OR8G1: variants seen among roughly 807,000 people sequenced by gnomAD.
OR8G1 encodes olfactory receptor 8G1.
For missense variants in OR8G1, 372 were observed against 356.2 expected (o/e 1.04, Z -0.36); for synonymous variants, 129 against 133.3 (o/e 0.97, Z 0.22).
In OR8G1 at chr11:124,249,750, G is replaced by T. The variant is rs777912617; in HGVS notation, c.75G>T (p.Leu25=). 1.2e-6 allele frequency: 2 copies of T among 1,613,744 alleles called. No homozygotes were observed. Among genetic ancestry groups the T allele is most frequent in the South Asian group, 1.1e-5 (1 of 91,068 alleles). ...AGLSEQPELQ[L]PLFLLFLGIY... The stretch of plus-strand genomic sequence containing the variant: ...TCTCAGAACAGCCAGAGCTCCAGCT[G>T]CCCCTCTTCCTCCTGTTCTTAGGAA... The change falls in exon 3 of 3, where the codon CTG becomes CTT. Residue 25 remains leucine (L), a synonymous_variant. Coordinates refer to ENST00000641972, the MANE Select transcript of OR8G1 (RefSeq NM_001002905.2).
Position 124,249,835 on chromosome 11 carries a change from C to T in OR8G1, c.160C>T (p.His54Tyr), listed in dbSNP as rs778054627. 17 of 1,614,020 alleles carry T rather than the reference C, an allele frequency of 1.1e-5. No homozygotes were observed. Among genetic ancestry groups the T allele is most frequent in the Non-Finnish European group, 1.4e-5 (17 of 1,179,982 alleles). Residue 54 changes from histidine (H) to tyrosine (Y), a missense_variant, in exon 3 of 3, where the codon CAC becomes TAC. By Grantham distance (83) the His-to-Tyr change is moderately conservative. Transcript: ENST00000641972. ...GACCACACTGATTTGGCTCAGTTCTCACCTGCACACCCCTATGTACTATTT... is the reference window on the plus strand; with the variant it reads ...GACCACACTGATTTGGCTCAGTTCTTACCTGCACACCCCTATGTACTATTT... Reference protein sequence around the residue: ...GMTTLIWLSSHLHTPMYYFLS... With the variant: ...GMTTLIWLSSYLHTPMYYFLS...
chr11:124,250,532 A>G lies in OR8G1; in HGVS notation c.857A>G (p.Asn286Ser). ...TATACTATTATTGTGCCCATGTTGA[A>G]CCCTCTGATTTATAGCCTGAGGAAT... ...VFYTIIVPMLNPLIYSLRNKD... is the reference protein window; with the variant it reads ...VFYTIIVPMLSPLIYSLRNKD... The change falls in exon 3 of 3, where the codon AAC becomes AGC. Residue 286 changes from asparagine to serine, a missense_variant. Transcript: ENST00000641972. The G allele has an allele frequency of 4.1e-6, 5 of 1,225,888 alleles. No individual in the cohort carries two copies. Among genetic ancestry groups the G allele is most frequent in the South Asian group, 2.0e-5 (1 of 48,926 alleles). 75.9% of individuals were successfully genotyped at this position (1,225,888 alleles called of 1,614,324 possible).
rs1339654066 is a variant in OR8G1 at position 124,251,240 on chromosome 11, C to T, written c.*629C>T. ...ACTTCAGTCTTCATGAAGATTCCCC[C>T]GTACATGTGGTTTATTGCCACGTCT... is the stretch of plus-strand genomic sequence containing the variant. On this transcript the variant is annotated 3_prime_UTR_variant, in exon 3 of 3. Coordinates refer to ENST00000641972, the MANE Select transcript of OR8G1 (RefSeq NM_001002905.2). The T allele has an allele frequency of 7.6e-5, 8 of 105,528 alleles. 3 individuals carry two copies. Among genetic ancestry groups the T allele is most frequent in the Non-Finnish European group, 1.5e-4 (8 of 52,666 alleles). 6.5% of individuals were successfully genotyped at this position (105,528 alleles called of 1,614,324 possible). A position where few individuals can be genotyped will look rare whatever the true frequency, so the allele number is the denominator to read the frequency against.
Position 124,250,498 on chromosome 11 carries a change from T to C in OR8G1, c.823T>C (p.Ser275Pro). 2 of 1,613,576 alleles carry C rather than the reference T, an allele frequency of 1.2e-6. No individual in the cohort carries two copies. The highest frequency in any genetic ancestry group is 1.7e-6 in the Non-Finnish European group (2 of 1,179,658). ...ISSMDQGKVS[S>P]VFYTIIVPML... ...CTCCATGGACCAGGGGAAAGTATCC[T>C]CTGTGTTTTATACTATTATTGTGCC... The change falls in exon 3 of 3, where the codon TCT becomes CCT. Residue 275 changes from serine to proline, a missense_variant. Physicochemically the swap from Ser to Pro is moderately conservative, Grantham distance 74. Transcript: ENST00000641972.
Position 124,254,186 on chromosome 11 carries a change from C to T in OR8G1, c.*3575C>T, listed in dbSNP as rs1200515272. 6.6e-6 allele frequency: 1 copy of T among 152,176 alleles called. No homozygotes were observed. Among genetic ancestry groups the T allele is most frequent in the Non-Finnish European group, 1.5e-5 (1 of 68,014 alleles). 9.4% of individuals were successfully genotyped at this position (152,176 alleles called of 1,614,324 possible). Reference sequence around the variant, plus strand: ...GCATGTAATGGTTCACTTTCCTCCACATCCTCTCCAACAGTTATCCGTTCT... The same window carrying T: ...GCATGTAATGGTTCACTTTCCTCCATATCCTCTCCAACAGTTATCCGTTCT... On this transcript the variant is annotated 3_prime_UTR_variant, in exon 3 of 3. Transcript: ENST00000641972.
chr11:124,244,031 GGAGA>G (rs1184671829), intron 1 of OR8G1, among the ~76,000 whole-genome samples: 1 of 131,128 alleles, frequency 7.6e-6, no homozygotes, highest in Non-Finnish European at 1.7e-5. Context: ...ATGGAGAGAG[GGAGA>G]GAGAGATGGA....
At chr11:124,247,479 T>C (rs1156700451) in intron 1 of OR8G1, among the ~76,000 whole-genome samples, 1 of 151,900 alleles carries the variant, frequency 6.6e-6, no homozygotes, top group Non-Finnish European at 1.5e-5. Flanking sequence ...AAGATCTGAA[T>C]AGTAATATCT....
At chr11:124,247,046 CTT>C (rs1861817926) in intron 1 of OR8G1, among the ~76,000 whole-genome samples, 1 of 151,526 alleles carries the variant, frequency 6.6e-6, no homozygotes, top group Non-Finnish European at 1.5e-5. Context: ...AAATTTATAA[CTT>C]ATATGTACAC....
rs1285932722 is a variant in OR8G1 at position 124,253,466 on chromosome 11, A to G, written c.*2855A>G. On this transcript the variant is annotated 3_prime_UTR_variant, in exon 3 of 3. Coordinates refer to ENST00000641972, the MANE Select transcript of OR8G1 (RefSeq NM_001002905.2). Reference sequence around the variant, plus strand: ...GAACAAACAAACAAAAACTTTGACAACTTTTAATGGTCAAAAAATATTGTA... The same window carrying G: ...GAACAAACAAACAAAAACTTTGACAGCTTTTAATGGTCAAAAAATATTGTA... 1.3e-5 allele frequency: 2 copies of G among 152,056 alleles called. No individual in the cohort carries two copies. Among genetic ancestry groups the G allele is most frequent in the Admixed American group, 1.3e-4 (2 of 15,246 alleles). 9.4% of individuals were successfully genotyped at this position (152,056 alleles called of 1,614,324 possible).
rs761836918 is a variant in OR8G1, at chr11:124,250,456, CAGCCATCTTCA to C, written c.783_793del (p.Gln261HisfsTer27). ...TGGATCTGCAGCATTCATGTACTTG[CAGCCATCTTCA>C]ATCAGCTCCATGGACCAGGGGAAAG... is the stretch of plus-strand genomic sequence containing the variant. On this transcript the variant is annotated frameshift_variant, in exon 3 of 3. Transcript: ENST00000641972. LOFTEE classifies it low-confidence loss of function (END_TRUNC). 4.3e-6 allele frequency: 7 copies of C among 1,613,584 alleles called. No individual in the cohort carries two copies. In the African/African-American group the frequency reaches 9.3e-5, roughly 22 times the overall value.
chr11:124,246,706 A>G (rs1435711885), intron 1 of OR8G1, among the ~76,000 whole-genome samples: 1 of 151,816 alleles, frequency 6.6e-6, no homozygotes, highest in African/African-American at 2.4e-5. Context: ...ATGACCCTCC[A>G]AAGACAGACA....
chr11:124,250,058 G>A lies in OR8G1; in HGVS notation c.383G>A (p.Ser128Asn). Residue 128 changes from serine (S) to asparagine (N), a missense_variant, in exon 3 of 3, where the codon AGC becomes AAC. Transcript: ENST00000641972. ...MAYDRYMAIC[S>N]PLLYSVIISN... Reference sequence around the variant, plus strand: ...TATGACCGTTACATGGCCATCTGTAGCCCCTTGCTGTACAGTGTCATCATA... The same window carrying A: ...TATGACCGTTACATGGCCATCTGTAACCCCTTGCTGTACAGTGTCATCATA... 6.2e-7 allele frequency: 1 copy of A among 1,613,834 alleles called. No individual in the cohort carries two copies. The highest frequency in any genetic ancestry group is 1.6e-4 in the Middle Eastern group (1 of 6,062).
At chr11:124,249,418 A>G (rs1355627431) in intron 2 of OR8G1, among the ~76,000 whole-genome samples, 1 of 109,156 alleles carries the variant, frequency 9.2e-6, no homozygotes, top group Admixed American at 8.5e-5. Context: ...TCACTGAAAT[A>G]TTTAAAAGAA....
Position 124,252,706 on chromosome 11 carries a change from C to T in OR8G1, c.*2095C>T, listed in dbSNP as rs1313477940. 1 of 152,288 alleles carries T rather than the reference C, an allele frequency of 6.6e-6. No homozygotes were observed. The highest frequency in any genetic ancestry group is 2.1e-4 in the South Asian group (1 of 4,826). 9.4% of individuals were successfully genotyped at this position (152,288 alleles called of 1,614,324 possible). A position where few individuals can be genotyped will look rare whatever the true frequency, so the allele number is the denominator to read the frequency against. Reference sequence around the variant, plus strand: ...TTCTCATTTCAGCAGACTTGAGGCACATTTATTAGCTGTGTGCAAGCTGAG... The same window carrying T: ...TTCTCATTTCAGCAGACTTGAGGCATATTTATTAGCTGTGTGCAAGCTGAG... On this transcript the variant is annotated 3_prime_UTR_variant, in exon 3 of 3. Transcript: ENST00000641972.
chr11:124,253,409 A>C lies in OR8G1; in HGVS notation c.*2798A>C, dbSNP rs557523611. On this transcript the variant is annotated 3_prime_UTR_variant, in exon 3 of 3. Coordinates refer to ENST00000641972, the MANE Select transcript of OR8G1 (RefSeq NM_001002905.2). ...GTACGTCAGCCTGGGCGACAGAGAG[A>C]GATTGTCCCCCAAACTACCACCACC... The C allele has an allele frequency of 2.7e-4, 41 of 152,244 alleles. No homozygotes were observed. Among genetic ancestry groups the C allele is most frequent in the African/African-American group, 8.9e-4 (37 of 41,532 alleles). 9.4% of individuals were successfully genotyped at this position (152,244 alleles called of 1,614,324 possible). A position where few individuals can be genotyped will look rare whatever the true frequency, so the allele number is the denominator to read the frequency against.
chr11:124,246,389 AC>A (rs1861810878), intron 1 of OR8G1, among the ~76,000 whole-genome samples: 1 of 151,946 alleles, frequency 6.6e-6, no homozygotes, highest in Non-Finnish European at 1.5e-5. Flanking sequence ...ATGTAAAGAT[AC>A]CTAAAGATCA....
intron 1 of OR8G1, among the ~76,000 whole-genome samples, chr11:124,241,709 A>G (rs1425328804): frequency 6.6e-6 from 1 of 152,144 alleles, no homozygotes; most frequent in Non-Finnish European, 1.5e-5. Context: ...TGAAAAGTAA[A>G]TATTTACCAG....
At chr11:124,248,384 G>C (rs886361911) in intron 2 of OR8G1, among the ~76,000 whole-genome samples, 2 of 151,030 alleles carry the variant, frequency 1.3e-5, no homozygotes, top group Middle Eastern at 3.2e-3. Context: ...GTTTGCTTTG[G>C]GTTTTGTTTA....
chr11:124,243,325 TGTAAA>T (rs1168899952), intron 1 of OR8G1, among the ~76,000 whole-genome samples: 14 of 152,090 alleles, frequency 9.2e-5, no homozygotes, highest in Admixed American at 4.6e-4. Flanking sequence ...TTTGTGTACA[TGTAAA>T]GTATTTTTCA....
Sources: allele counts gnomAD v4.1 joint callset (sites outside exome capture counted in the v4.1 genomes callset), GRCh38; gene constraint gnomAD v4.1.1; transcripts MANE v1.5; gene names NCBI Gene and HGNC (gene_info 2026-07-23, HGNC 2026-07-21).